Variants in GPD2 observed in about 807,000 individuals in gnomAD.
The protein encoded by GPD2 is glycerol-3-phosphate dehydrogenase 2, also known as glycerol-3-phosphate dehydrogenase, mitochondrial.
A neutral mutation model predicts 82.4 loss-of-function variants in GPD2; 54 were observed. The observed-to-expected ratio is 0.66, with a 90% CI of 0.53 to 0.82. The LOEUF (loss-of-function observed/expected upper bound fraction) is 0.82, where lower values mean the gene tolerates loss of function less well. Ranked by LOEUF, GPD2 falls within the 40% of genes least tolerant of loss-of-function variation. The pLI, the probability that GPD2 is intolerant of heterozygous loss-of-function variation, is 0.00. For synonymous variants in GPD2, 288 were observed against 306.1 expected (o/e 0.94, Z 0.62); for missense variants, 748 against 896.2 (o/e 0.83, Z 2.11).
Position 156,585,696 on chromosome 2 carries a change from C to T in GPD2, c.*2778C>T, listed in dbSNP as rs964297313. 9 of 152,396 alleles carry T rather than the reference C, an allele frequency of 5.9e-5. No homozygotes were observed. Among genetic ancestry groups the T allele is most frequent in the Admixed American group, 2.6e-4 (4 of 15,228 alleles). The allele number at this position is 152,396 out of a possible 1,614,324, so 9.4% of individuals were successfully genotyped here. On this transcript the variant is annotated 3_prime_UTR_variant, in exon 17 of 17. Transcript: ENST00000438166. Reference sequence around the variant, plus strand: ...AACAAAAAACTCATTCTCACTTTTACTAAATATACTGTAGGAGTCATCATT... The same window carrying T: ...AACAAAAAACTCATTCTCACTTTTATTAAATATACTGTAGGAGTCATCATT...
chr2:156,520,557 ATTG>A (rs1180618501), intron 6 of GPD2, among the ~76,000 whole-genome samples: 2 of 128,436 alleles, frequency 1.6e-5, no homozygotes, highest in Non-Finnish European at 3.2e-5. Context: ...AATTATTTTT[ATTG>A]TTATTTATTT....
rs374156040 is a variant in GPD2 at position 156,496,044 on chromosome 2, A to G, written c.103A>G (p.Met35Val). The G allele has an allele frequency of 2.5e-6, 4 of 1,610,468 alleles. No homozygotes were observed. The highest frequency in any genetic ancestry group is 2.5e-6 in the Non-Finnish European group (3 of 1,177,440). Residue 35 changes from methionine (M) to valine (V), a missense_variant and splice_region_variant, in exon 3 of 17, where the codon ATG (methionine) becomes GTG (valine). By Grantham distance (21) the Met-to-Val change is conservative. Around this residue, in one of 3 missense-constraint regions of GPD2, gnomAD observed 692 missense variants for 809.7 expected, o/e 0.85. Transcript: ENST00000438166. Reference sequence around the variant, plus strand: ...TGAAAGTGATCTGCTTTTACATCAGATGAACCTGGCCTATGTTAAAGCAGC... The same window carrying G: ...TGAAAGTGATCTGCTTTTACATCAGGTGAACCTGGCCTATGTTAAAGCAGC... ...SQFAHYRRKQ[M>V]NLAYVKAADC...
chr2:156,491,625 T>C (rs1463155941), intron 2 of GPD2, among the ~76,000 whole-genome samples: 1 of 152,218 alleles, frequency 6.6e-6, no homozygotes, highest in Non-Finnish European at 1.5e-5. Flanking sequence ...AAAGCCATTG[T>C]AAATTTTTGC....
At chr2:156,483,279 G>A (rs1158664943) in intron 2 of GPD2, among the ~76,000 whole-genome samples, 2 of 152,196 alleles carry the variant, frequency 1.3e-5, no homozygotes, top group African/African-American at 4.8e-5. Context: ...TGGTGAACCT[G>A]TTGTAGCGTG....
At chr2:156,531,702 C>G (rs931174242) in intron 6 of GPD2, among the ~76,000 whole-genome samples, 4 of 152,196 alleles carry the variant, frequency 2.6e-5, no homozygotes, top group Non-Finnish European at 5.9e-5. Flanking sequence ...AATATTCCCA[C>G]CTGGCCAGGA....
intron 6 of GPD2, among the ~76,000 whole-genome samples, chr2:156,514,621 C>T (rs1024313331): frequency 2.0e-5 from 3 of 151,572 alleles, no homozygotes; most frequent in African/African-American, 4.9e-5. Context: ...TATATAAATG[C>T]AAAAAGTATA....
chr2:156,454,815 G>T (rs1682731879), intron 1 of GPD2, among the ~76,000 whole-genome samples: 1 of 152,078 alleles, frequency 6.6e-6, no homozygotes, highest in South Asian at 2.1e-4. Context: ...GGGGAAATTG[G>T]GTAGGTACCA....
intron 8 of GPD2, among the ~76,000 whole-genome samples, chr2:156,554,796 C>T (rs192529508): frequency 6.6e-6 from 1 of 152,222 alleles, no homozygotes; most frequent in African/African-American, 2.4e-5. Context: ...CAATTTTTTT[C>T]CTATAATGTG....
chr2:156,400,764 G>T, the GPD2 span, among the ~76,000 whole-genome samples: 2 of 152,182 alleles, frequency 1.3e-5, no homozygotes, highest in Non-Finnish European at 2.9e-5. Context: ...ATATGCTTTC[G>T]GCTGGGGGAT....
chr2:156,400,818 G>C, the GPD2 span, among the ~76,000 whole-genome samples: 2 of 152,162 alleles, frequency 1.3e-5, no homozygotes, highest in African/African-American at 4.8e-5. Context: ...GTGAGGTCCC[G>C]GGTTCAATCC....
At chr2:156,487,588 A>G (rs1475671732) in intron 2 of GPD2, among the ~76,000 whole-genome samples, 2 of 152,248 alleles carry the variant, frequency 1.3e-5, no homozygotes, top group African/African-American at 4.8e-5. Context: ...CTCAAGGGAT[A>G]ACTAAAGATT....
intron 2 of GPD2, among the ~76,000 whole-genome samples, chr2:156,478,858 C>A (rs1683617914): frequency 6.6e-6 from 1 of 152,168 alleles, no homozygotes; most frequent in African/African-American, 2.4e-5. Flanking sequence ...AAGATTCCAA[C>A]TGATAAACTG....
At chr2:156,489,954 CT>C (rs559884994) in intron 2 of GPD2, among the ~76,000 whole-genome samples, 100 of 151,192 alleles carry the variant, frequency 6.6e-4, no homozygotes, top group African/African-American at 2.3e-3. Context: ...CCACTACCCC[CT>C]CTCCCTGACG....
chr2:156,482,107 A>G (rs550628101), intron 2 of GPD2, among the ~76,000 whole-genome samples: 4 of 152,372 alleles, frequency 2.6e-5, no homozygotes, highest in South Asian at 2.1e-4. Context: ...GGATATGAAT[A>G]TAAAGTGCGG....
chr2:156,541,249 C>A (rs746635346), intron 6 of GPD2, among the ~76,000 whole-genome samples: 1 of 152,126 alleles, frequency 6.6e-6, no homozygotes, highest in Non-Finnish European at 1.5e-5. Context: ...CTTTGTAAAT[C>A]TTTCTTTAAC....
intron 16 of GPD2, among the ~76,000 whole-genome samples, chr2:156,580,445 C>A (rs1687986902): frequency 6.6e-6 from 1 of 152,148 alleles, no homozygotes; most frequent in African/African-American, 2.4e-5. Flanking sequence ...CATATCGTTT[C>A]TTAAAAGAAA....
chr2:156,499,691 A>T (rs928595996), intron 3 of GPD2, among the ~76,000 whole-genome samples: 2 of 151,976 alleles, frequency 1.3e-5, no homozygotes, highest in African/African-American at 4.8e-5. Context: ...TTACATTTAT[A>T]TAGTATTCAT....
chr2:156,423,127 A>G, the GPD2 span, among the ~76,000 whole-genome samples: 3 of 152,264 alleles, frequency 2.0e-5, no homozygotes, highest in Non-Finnish European at 4.4e-5. Flanking sequence ...GAGATTAGGC[A>G]GATTGCCTAA....
intron 2 of GPD2, among the ~76,000 whole-genome samples, chr2:156,489,622 T>G (rs1037394539): frequency 6.6e-6 from 1 of 152,198 alleles, no homozygotes; most frequent in Non-Finnish European, 1.5e-5. Flanking sequence ...ATTGGATGAA[T>G]AAGTTTGATG....
Sources: allele counts gnomAD v4.1 joint callset (sites outside exome capture counted in the v4.1 genomes callset), GRCh38; gene constraint gnomAD v4.1.1; regional missense constraint gnomAD v4.1.1; transcripts MANE v1.5; gene names NCBI Gene and HGNC (gene_info 2026-07-23, HGNC 2026-07-21).